The following NSMCE2 variants were observed in gnomAD, a reference collection of about 807,000 sequenced individuals.
NSMCE2 encodes NSE2 SUMO ligase component of SMC5/6 complex, also known as E3 SUMO-protein ligase NSE2.
Under a neutral mutation model 23.8 loss-of-function variants are expected in NSMCE2, and 24 were observed. The observed-to-expected ratio is 1.01, with a 90% confidence interval of 0.73 to 1.42. The LOEUF (loss-of-function observed/expected upper bound fraction) is 1.42. Ranked by LOEUF, NSMCE2 falls within the 40% of genes most tolerant of loss-of-function variation. The probability of loss-of-function intolerance (pLI) is 0.00; values close to 1 mark genes in which losing one functional copy is unlikely to be tolerated. For missense variants in NSMCE2, 284 were observed against 296.5 expected, an observed-to-expected ratio of 0.96 and a Z score of 0.31; for synonymous variants, 92 against 94.1, an observed-to-expected ratio of 0.98 and a Z score of 0.13.
intron 5 of NSMCE2, among the ~76,000 whole-genome samples, chr8:125,265,412 G>C (rs1207571190): frequency 1.3e-5 from 2 of 151,972 alleles, no homozygotes; most frequent in South Asian, 4.2e-4. Flanking sequence ...GAAGAGACAG[G>C]AGTTCTCCGT....
chr8:125,345,124 G>T (rs1439263273), intron 5 of NSMCE2, among the ~76,000 whole-genome samples: 1 of 152,064 alleles, frequency 6.6e-6, no homozygotes, highest in Non-Finnish European at 1.5e-5. Context: ...CCAGGGAATA[G>T]AATCAGAGGT....
chr8:125,099,631 G>A (rs1214717418), intron 1 of NSMCE2, among the ~76,000 whole-genome samples: 3 of 152,130 alleles, frequency 2.0e-5, no homozygotes, highest in Admixed American at 1.3e-4. Flanking sequence ...ATAGGTCAAA[G>A]GAGATAGGGC....
chr8:125,257,889 A>G (rs754585643), intron 5 of NSMCE2, among the ~76,000 whole-genome samples: 2 of 152,194 alleles, frequency 1.3e-5, no homozygotes, highest in Non-Finnish European at 2.9e-5. Context: ...ATAGACACCA[A>G]TGGTACAGCC....
intron 5 of NSMCE2, among the ~76,000 whole-genome samples, chr8:125,278,808 T>G (rs1444610962): frequency 6.6e-6 from 1 of 152,120 alleles, no homozygotes; most frequent in African/African-American, 2.4e-5. Context: ...CTTTAGTGCT[T>G]TTACTAACTA....
intron 5 of NSMCE2, among the ~76,000 whole-genome samples, chr8:125,245,034 A>G (rs573440488): frequency 3.3e-4 from 50 of 152,252 alleles, no homozygotes; most frequent in African/African-American, 1.1e-3. Flanking sequence ...TGTAATCCCA[A>G]CACTTCAGGA....
At chr8:125,095,749 GC>G (rs1157759102) in intron 1 of NSMCE2, among the ~76,000 whole-genome samples, 1 of 151,874 alleles carries the variant, frequency 6.6e-6, no homozygotes, top group Admixed American at 6.6e-5. Context: ...ACAAAAATTA[GC>G]CTGGCATGTA....
chr8:125,128,782 G>C (rs948432826), intron 3 of NSMCE2, among the ~76,000 whole-genome samples: 5 of 152,088 alleles, frequency 3.3e-5, no homozygotes, highest in Admixed American at 3.3e-4. Context: ...TTCTCATCCT[G>C]CATCACTATG....
At chr8:125,355,722 A>AAAAC (rs1208991192) in intron 5 of NSMCE2, among the ~76,000 whole-genome samples, 4 of 149,880 alleles carry the variant, frequency 2.7e-5, no homozygotes, top group African/African-American at 9.9e-5. Flanking sequence ...AAAAAAAAAA[A>AAAAC]GCTATTGATC....
At chr8:125,338,553 T>A (rs1309763258) in intron 5 of NSMCE2, among the ~76,000 whole-genome samples, 1 of 152,202 alleles carries the variant, frequency 6.6e-6, no homozygotes, top group African/African-American at 2.4e-5. Context: ...TGAATTTCGT[T>A]AGCAGTAGCA....
chr8:125,291,521 G>A (rs1037564582), intron 5 of NSMCE2, among the ~76,000 whole-genome samples: 4 of 152,134 alleles, frequency 2.6e-5, no homozygotes, highest in Non-Finnish European at 5.9e-5. Context: ...AACTCTGCAA[G>A]CAGATTTGGA....
rs562558081 is a variant in NSMCE2, at chr8:125,164,321, G to T, written c.264+13044G>T. On this transcript the variant is annotated intron_variant, in intron 4 of 7. Coordinates refer to ENST00000287437, the MANE Select transcript of NSMCE2 (RefSeq NM_173685.4). ...CTCAAGAGGTGAGACTTGAACCTCAGTGTTTTGACATGTAATTCAAGGCTG... is the reference window on the plus strand; with the variant it reads ...CTCAAGAGGTGAGACTTGAACCTCATTGTTTTGACATGTAATTCAAGGCTG... 1.7e-4 allele frequency among the ~76,000 whole-genome samples: 26 copies of T among 152,328 alleles called. No homozygotes were observed. The South Asian group carries it at 2.3e-3, about 13-fold the overall frequency.
intron 5 of NSMCE2, among the ~76,000 whole-genome samples, chr8:125,285,972 T>G (rs1431401891): frequency 6.6e-6 from 1 of 151,936 alleles, no homozygotes; most frequent in Non-Finnish European, 1.5e-5. Context: ...GCCATTAGGA[T>G]GTACCTTGGA....
intron 5 of NSMCE2, among the ~76,000 whole-genome samples, chr8:125,356,457 T>C (rs1366015499): frequency 6.8e-6 from 1 of 147,256 alleles, no homozygotes; most frequent in Non-Finnish European, 1.5e-5. Context: ...GCCTCCCAAA[T>C]AGCTGGGACT....
chr8:125,272,676 A>G (rs1474693814), intron 5 of NSMCE2, among the ~76,000 whole-genome samples: 2 of 126,580 alleles, frequency 1.6e-5, no homozygotes, highest in African/African-American at 3.1e-5. Context: ...CTTATTATGT[A>G]TATATATATC....
At chr8:125,161,791 CAA>C (rs34724865) in intron 4 of NSMCE2, among the ~76,000 whole-genome samples, 6 of 120,888 alleles carry the variant, frequency 5.0e-5, no homozygotes, top group Non-Finnish European at 3.7e-5. Context: ...GACAATGTCT[CAA>C]AAAAAAAAAA....
intron 5 of NSMCE2, among the ~76,000 whole-genome samples, chr8:125,356,326 GTTTT>G (rs747884264): frequency 9.5e-6 from 1 of 105,436 alleles, no homozygotes; most frequent in East Asian, 3.0e-4. Flanking sequence ...TAATTTTTTG[GTTTT>G]TTTTTTTTTT....
At chr8:125,210,549 A>G (rs1267335953) in intron 5 of NSMCE2, among the ~76,000 whole-genome samples, 1 of 152,214 alleles carries the variant, frequency 6.6e-6, no homozygotes, top group Admixed American at 6.5e-5. Flanking sequence ...AAAGGGAAGT[A>G]GCATTCAGCA....
At chr8:125,256,922 CAAAAAAAAAAAAAAAAAAAAAA>C (rs60308659) in intron 5 of NSMCE2, among the ~76,000 whole-genome samples, 36 of 26,064 alleles carry the variant, frequency 1.4e-3, no homozygotes, top group Admixed American at 2.1e-3. Flanking sequence ...GACTCTGTGT[CAAAAAAAAAAAAAAAAAAAAAA>C]AAAAAAAAAA....
At chr8:125,334,306 C>A (rs1288375000) in intron 5 of NSMCE2, among the ~76,000 whole-genome samples, 1 of 152,150 alleles carries the variant, frequency 6.6e-6, no homozygotes, top group African/African-American at 2.4e-5. Flanking sequence ...CTATCTGTAG[C>A]ACAGCGCTCC....
Sources: gnomAD v4.1 joint callset for allele counts (sites outside exome capture counted in the v4.1 genomes callset) on GRCh38, gnomAD v4.1.1 for gene constraint, MANE v1.5 for transcripts, NCBI Gene and HGNC (gene_info 2026-07-23, HGNC 2026-07-21) for gene names.